Variants in FUNDC2 observed in about 807,000 individuals in gnomAD.
The protein encoded by FUNDC2 is FUN14 domain-containing protein 2.
In FUNDC2, 4 loss-of-function variants were observed where a neutral mutation model predicts 15.6. The observed-to-expected ratio is 0.26, with a 90% CI of 0.13 to 0.59. The LOEUF is 0.59. Among genes scored for constraint, FUNDC2 ranks in the 20% least tolerant of loss-of-function variants. FUNDC2 has a pLI of 0.90. For missense variants in FUNDC2, 98 were observed against 149.7 expected (o/e 0.65, Z 1.80); for synonymous variants, 44 against 56.9 (o/e 0.77, Z 1.02).
rs1235197368 is a variant in FUNDC2 at position 155,057,916 on chromosome X, C to G, written c.*3244C>G. On this transcript the variant is annotated 3_prime_UTR_variant, in exon 5 of 5. Coordinates refer to ENST00000369498, the MANE Select transcript of FUNDC2 (RefSeq NM_023934.4). ...AACAGATGGAGTCCAATGTTTCAGTCTCCCCCAAGAATGTGTATCCTCATT... is the reference window on the plus strand; with the variant it reads ...AACAGATGGAGTCCAATGTTTCAGTGTCCCCCAAGAATGTGTATCCTCATT... 12 of 111,816 alleles carry G rather than the reference C, an allele frequency of 1.1e-4. No homozygotes were observed. Among genetic ancestry groups the G allele is most frequent in the African/African-American group, 3.9e-4 (12 of 30,664 alleles). 9.2% of individuals were successfully genotyped at this position (111,816 alleles called of 1,213,427 possible). A position where few individuals can be genotyped will look rare whatever the true frequency, so the allele number is the denominator to read the frequency against.
At chrX:155,050,584 G>C (rs2073876892) in intron 3 of FUNDC2, 1 of 112,125 alleles carries the variant, frequency 8.9e-6, no homozygotes, top group Non-Finnish European at 1.9e-5. Context: ...GTTCTTTTTA[G>C]TACTAAGTAA....
chrX:155,056,620 C>G lies in FUNDC2; in HGVS notation c.*1948C>G, dbSNP rs1406280250. ...GTCATCTGTTTCCTGCTTCCCCACA[C>G]TCTGCCTCTCCTGACATCTGGGTCT... is the stretch of plus-strand genomic sequence containing the variant. On this transcript the variant is annotated 3_prime_UTR_variant, in exon 5 of 5. Transcript: ENST00000369498. 2 of 110,384 alleles carry G rather than the reference C, an allele frequency of 1.8e-5. No individual in the cohort carries two copies. The highest frequency in any genetic ancestry group is 6.6e-5 in the African/African-American group (2 of 30,202). The allele number at this position is 110,384 out of a possible 1,213,427, so 9.1% of individuals were successfully genotyped here. A position where few individuals can be genotyped will look rare whatever the true frequency, so the allele number is the denominator to read the frequency against.
Position 155,046,505 on chromosome X carries a change from G to A in FUNDC2, c.285-4G>A. ...ATTTGTCTGATGTTGGTTTGTTTTT[G>A]TAGGTGCACAGGTTTCATATTCCAG... On this transcript the variant is annotated splice_polypyrimidine_tract_variant and splice_region_variant and intron_variant, in intron 2 of 4. Coordinates refer to ENST00000369498, the MANE Select transcript of FUNDC2 (RefSeq NM_023934.4). 8.3e-7 allele frequency: 1 copy of A among 1,208,335 alleles called. No individual in the cohort carries two copies.
intron 3 of FUNDC2, chrX:155,048,977 T>C (rs1220902921): frequency 8.9e-6 from 1 of 112,709 alleles, no homozygotes; most frequent in East Asian, 2.8e-4. Flanking sequence ...TCTGGGATTC[T>C]TTTGGGTTTT....
In FUNDC2 at chrX:155,055,083, T is replaced by G; in HGVS notation, c.*411T>G. On this transcript the variant is annotated 3_prime_UTR_variant, in exon 5 of 5. Transcript: ENST00000369498. ...TATTGTGTGCTGCATGGAAAGGAAC[T>G]GAATACATTTGCCTTTAAGCATGAA... 3.4e-6 allele frequency: 1 copy of G among 296,961 alleles called. No individual in the cohort carries two copies. Among genetic ancestry groups the G allele is most frequent in the Non-Finnish European group, 5.9e-6 (1 of 170,257 alleles). 24.5% of individuals were successfully genotyped at this position (296,961 alleles called of 1,213,427 possible). A position where few individuals can be genotyped will look rare whatever the true frequency, so the allele number is the denominator to read the frequency against.
At chrX:155,051,589 T>A in intron 3 of FUNDC2, 81 bp from the exon 4 acceptor site, 1 of 1,053,393 alleles carries the variant, frequency 9.5e-7, no homozygotes, top group Non-Finnish European at 1.3e-6. Flanking sequence ...GTTTCGAGAG[T>A]CTACTTCAGG....
Position 155,057,595 on chromosome X carries a change from G to C in FUNDC2, c.*2923G>C, listed in dbSNP as rs1445603440. On this transcript the variant is annotated 3_prime_UTR_variant, in exon 5 of 5. Coordinates refer to ENST00000369498, the MANE Select transcript of FUNDC2 (RefSeq NM_023934.4). ...TTCCAACTTGTCAACCAATAGGATG[G>C]CATCTACGTAGTGAAGGCTTCCCTT... 1.8e-5 allele frequency: 2 copies of C among 111,839 alleles called. No individual in the cohort carries two copies. The highest frequency in any genetic ancestry group is 3.8e-5 in the Non-Finnish European group (2 of 53,073). 9.2% of individuals were successfully genotyped at this position (111,839 alleles called of 1,213,427 possible).
rs1053864787 is a variant in FUNDC2, at chrX:155,055,634, A to T, written c.*962A>T. Reference sequence around the variant, plus strand: ...ATTCTTTAAAAGCTTACACACACACACACACACGGGCACACACGCACACAC... The same window carrying T: ...ATTCTTTAAAAGCTTACACACACACTCACACACGGGCACACACGCACACAC... On this transcript the variant is annotated 3_prime_UTR_variant, in exon 5 of 5. Coordinates refer to ENST00000369498, the MANE Select transcript of FUNDC2 (RefSeq NM_023934.4). 1.1e-5 allele frequency: 2 copies of T among 178,587 alleles called. No homozygotes were observed. The highest frequency in any genetic ancestry group is 3.0e-5 in the African/African-American group (1 of 33,323). The allele number at this position is 178,587 out of a possible 1,213,427, so 14.7% of individuals were successfully genotyped here.
In FUNDC2 at chrX:155,058,215, A is replaced by G. The variant is rs1019786968; in HGVS notation, c.*3543A>G. 4 of 111,506 alleles carry G rather than the reference A, an allele frequency of 3.6e-5. No individual in the cohort carries two copies. Among genetic ancestry groups the G allele is most frequent in the Admixed American group, 2.9e-4 (3 of 10,490 alleles). 9.2% of individuals were successfully genotyped at this position (111,506 alleles called of 1,213,427 possible). ...ATGGATGCTGGCAGAAGACGATTCA[A>G]GTTGGCGGACTAGATTCTACAAGGA... On this transcript the variant is annotated 3_prime_UTR_variant, in exon 5 of 5. Coordinates refer to ENST00000369498, the MANE Select transcript of FUNDC2 (RefSeq NM_023934.4).
At chrX:155,035,467 C>A (rs1479076226) in intron 2 of FUNDC2, among the ~76,000 whole-genome samples, 1 of 111,635 alleles carries the variant, frequency 9.0e-6, no homozygotes, top group Non-Finnish European at 1.9e-5. Flanking sequence ...TATGTACATG[C>A]CCATAAAACC....
At position 155,026,905 on chromosome X, in the gene FUNDC2, G is replaced by T; in HGVS notation, c.-34G>T. The T allele has an allele frequency of 8.6e-7, 1 of 1,168,600 alleles. No individual in the cohort carries two copies. The highest frequency in any genetic ancestry group is 1.1e-6 in the Non-Finnish European group (1 of 876,080). On this transcript the variant is annotated 5_prime_UTR_variant, in exon 1 of 5. Coordinates refer to ENST00000369498, the MANE Select transcript of FUNDC2 (RefSeq NM_023934.4). ...CGGAGACTGCAAGCAGCCGCGGCGCGCCCGGCCCTCCCTCTTCCGCTGCCG... is the reference window on the plus strand; with the variant it reads ...CGGAGACTGCAAGCAGCCGCGGCGCTCCCGGCCCTCCCTCTTCCGCTGCCG...
At chrX:155,047,396 G>A in intron 3 of FUNDC2, 2 of 342,552 alleles carry the variant, frequency 5.8e-6, no homozygotes, top group Admixed American at 3.1e-5. Flanking sequence ...TGCAAGGTAA[G>A]TTCTGCATTA....
Position 155,057,768 on chromosome X carries a change from G to C in FUNDC2, c.*3096G>C, listed in dbSNP as rs4898408. The C allele has an allele frequency of 0.23, 24,991 of 110,554 alleles. 2,101 individuals carry two copies. Among genetic ancestry groups the C allele is most frequent in the South Asian group, 0.39 (991 of 2,571 alleles). The allele number at this position is 110,554 out of a possible 1,213,427, so 9.1% of individuals were successfully genotyped here. ...TCCCGCAATGGGACCTGGTGGGATG[G>C]GGACTTGGAGCATGCTACAGGAGAG... On this transcript the variant is annotated 3_prime_UTR_variant, in exon 5 of 5. Transcript: ENST00000369498.
chrX:155,045,176 AGAAATAAAACTG>A (rs1181149158), intron 2 of FUNDC2, among the ~76,000 whole-genome samples: 1 of 111,932 alleles, frequency 8.9e-6, no homozygotes, highest in Non-Finnish European at 1.9e-5. Flanking sequence ...ATAAATATAA[AGAAATAAAACTG>A]GTTACCAGGG....
At position 155,054,693 on chromosome X, in the gene FUNDC2, T is replaced by G. The variant is rs782289804; in HGVS notation, c.*21T>G. The G allele has an allele frequency of 8.5e-7, 1 of 1,176,690 alleles. No homozygotes were observed. Among genetic ancestry groups the G allele is most frequent in the African/African-American group, 1.8e-5 (1 of 56,328 alleles). On this transcript the variant is annotated 3_prime_UTR_variant, in exon 5 of 5. Transcript: ENST00000369498. ...CCTAAGGAAGATGACCTCATGTTCA[T>G]TGTTCCTGGTTTTTTCCAGCCAGCA... is the stretch of plus-strand genomic sequence containing the variant.
In FUNDC2 at chrX:155,057,034, CCTCATCCTGCTAGTATG is replaced by C. The variant is rs781827741; in HGVS notation, c.*2363_*2379del. ...GGTTGAGGTCAGTATTGCAGGTTGG[CCTCATCCTGCTAGTATG>C]AGAACGGCTGTGAGTTCTGCCCACG... On this transcript the variant is annotated 3_prime_UTR_variant, in exon 5 of 5. Coordinates refer to ENST00000369498, the MANE Select transcript of FUNDC2 (RefSeq NM_023934.4). 2,764 of 100,518 alleles carry C rather than the reference CCTCATCCTGCTAGTATG, an allele frequency of 0.027. 67 individuals are homozygous for C. The highest frequency in any genetic ancestry group is 0.045 in the Non-Finnish European group (2,165 of 48,512). The allele number at this position is 100,518 out of a possible 1,213,427, so 8.3% of individuals were successfully genotyped here.
At chrX:155,031,183 C>G (rs1040628452) in intron 1 of FUNDC2, among the ~76,000 whole-genome samples, 60 of 111,588 alleles carry the variant, frequency 5.4e-4, no homozygotes, top group African/African-American at 2.0e-3. Context: ...TTGTGTACCT[C>G]TTTGAATATT....
In FUNDC2 at chrX:155,029,200, G is replaced by A. The variant is rs72616488; in HGVS notation, c.133+2129G>A. Reference sequence around the variant, plus strand: ...AGCCTAGACTGACTCACATAGAGTAGCAGCCTATCTATCTGTGTGAGTGTA... The same window carrying A: ...AGCCTAGACTGACTCACATAGAGTAACAGCCTATCTATCTGTGTGAGTGTA... On this transcript the variant is annotated intron_variant, in intron 1 of 4. Coordinates refer to ENST00000369498, the MANE Select transcript of FUNDC2 (RefSeq NM_023934.4). 6.4e-3 allele frequency among the ~76,000 whole-genome samples: 713 copies of A among 112,036 alleles called. 14 individuals carry two copies. The East Asian group carries it at 0.073, about 12-fold the overall frequency.
At position 155,057,375 on chromosome X, in the gene FUNDC2, T is replaced by TCCCCAGAG. The variant is rs2073910158; in HGVS notation, c.*2703_*2704insCCCCAGAG. On this transcript the variant is annotated 3_prime_UTR_variant, in exon 5 of 5. Transcript: ENST00000369498. Reference sequence around the variant, plus strand: ...CTTTCATTTGACTGGAGAGGCCTGCTTAGCTAGGCACGTATTTTCTCCAGT... The same window carrying TCCCCAGAG: ...CTTTCATTTGACTGGAGAGGCCTGCTCCCCAGAGTAGCTAGGCACGTATTTTCTCCAGT... 1 of 111,382 alleles carries TCCCCAGAG rather than the reference T, an allele frequency of 9.0e-6. No homozygotes were observed. Among genetic ancestry groups the TCCCCAGAG allele is most frequent in the Non-Finnish European group, 1.9e-5 (1 of 52,580 alleles). 9.2% of individuals were successfully genotyped at this position (111,382 alleles called of 1,213,427 possible). A position where few individuals can be genotyped will look rare whatever the true frequency, so the allele number is the denominator to read the frequency against.
Sources: allele counts gnomAD v4.1 joint callset (sites outside exome capture counted in the v4.1 genomes callset), GRCh38; gene constraint gnomAD v4.1.1; transcripts MANE v1.5; gene names NCBI Gene and HGNC (gene_info 2026-07-23, HGNC 2026-07-21).